CSMD3: variants seen among roughly 807,000 people sequenced by gnomAD.
CSMD3 encodes the protein CUB and sushi domain-containing protein 3.
A neutral mutation model predicts 435.2 loss-of-function variants in CSMD3; 177 were observed. That is an observed-to-expected ratio of 0.41 (90% CI 0.36 to 0.46). The LOEUF (loss-of-function observed/expected upper bound fraction) is 0.46. CSMD3 is among the 20% of genes least tolerant of loss of function. CSMD3 has a pLI of 0.34. For synonymous variants in CSMD3, 1,656 were observed against 1,520.5 expected (o/e 1.09, Z -2.07); for missense variants, 4,265 against 4,504.6 (o/e 0.95, Z 1.52).
chr8:113,314,750 G>T lies in CSMD3; in HGVS notation c.222C>A (p.Gly74=). The T allele has an allele frequency of 6.2e-7, 1 of 1,612,692 alleles. No homozygotes were observed. ...ATGGAAAACCAGGGCTTTCTATAGT[G>T]CCATTAAGTCCTTTTAAAGTTCCAC... The part of the protein sequence containing the change: ...TCGGTLKGLN[G]TIESPGFPYG... Residue 74 remains glycine, a synonymous_variant, in exon 2 of 71, where the codon GGC becomes GGA. Coordinates refer to ENST00000297405, the MANE Select transcript of CSMD3 (RefSeq NM_198123.2).
intron 3 of CSMD3, among the ~76,000 whole-genome samples, chr8:113,192,401 C>T (rs913122409): frequency 2.0e-5 from 3 of 151,422 alleles, no homozygotes; most frequent in Non-Finnish European, 3.0e-5. Context: ...AATTTTCTTT[C>T]GATATGGAAT....
intron 11 of CSMD3, among the ~76,000 whole-genome samples, chr8:112,832,543 A>G (rs1230693441): frequency 6.6e-6 from 1 of 152,148 alleles, no homozygotes; most frequent in Non-Finnish European, 1.5e-5. Flanking sequence ...TGAAGATACA[A>G]ACTGCCATGC....
At chr8:113,171,208 C>T (rs1295089304) in intron 4 of CSMD3, among the ~76,000 whole-genome samples, 1 of 151,902 alleles carries the variant, frequency 6.6e-6, no homozygotes. Context: ...TTTATGAATG[C>T]TATTACATTA....
intron 1 of CSMD3, among the ~76,000 whole-genome samples, chr8:113,418,204 T>C (rs1159284510): frequency 2.6e-5 from 4 of 152,158 alleles, no homozygotes; most frequent in African/African-American, 9.6e-5. Flanking sequence ...TCAAGAATTA[T>C]AATTCATATA....
At chr8:112,813,943 C>A (rs1265304933) in intron 12 of CSMD3, among the ~76,000 whole-genome samples, 2 of 152,188 alleles carry the variant, frequency 1.3e-5, no homozygotes, top group South Asian at 2.1e-4. Context: ...GCAAATGTCC[C>A]AAGGCTTCGC....
chr8:112,575,282 A>G (rs531387991), intron 23 of CSMD3, among the ~76,000 whole-genome samples: 2 of 152,136 alleles, frequency 1.3e-5, no homozygotes, highest in South Asian at 4.1e-4. Flanking sequence ...TGCACGCTCC[A>G]TTTGTAATTG....
At chr8:112,338,010 G>A (rs899514615) in intron 42 of CSMD3, among the ~76,000 whole-genome samples, 4 of 152,192 alleles carry the variant, frequency 2.6e-5, no homozygotes, top group Non-Finnish European at 5.9e-5. Context: ...TAATGAAAAT[G>A]TAAACTCTTC....
intron 10 of CSMD3, among the ~76,000 whole-genome samples, chr8:112,869,884 G>C (rs2081083064): frequency 6.6e-6 from 1 of 152,074 alleles, no homozygotes. Context: ...GCCTGTTGGG[G>C]TGGGGGACAA....
chr8:112,628,417 GGTTGGTTTA>G (rs1427514997), intron 22 of CSMD3, among the ~76,000 whole-genome samples: 2 of 151,350 alleles, frequency 1.3e-5, no homozygotes, highest in African/African-American at 2.4e-5. Context: ...TTGGTTGGTT[GGTTGGTTTA>G]CTTATTAGAC....
chr8:112,669,130 T>C (rs983329236), intron 16 of CSMD3, among the ~76,000 whole-genome samples: 1 of 152,000 alleles, frequency 6.6e-6, no homozygotes, highest in African/African-American at 2.4e-5. Context: ...CCTCCTGGGT[T>C]CAAACGATTC....
At chr8:113,092,758 C>A (rs2090045852) in intron 5 of CSMD3, among the ~76,000 whole-genome samples, 1 of 151,942 alleles carries the variant, frequency 6.6e-6, no homozygotes, top group African/African-American at 2.4e-5. Context: ...ATAAATGGAT[C>A]CTGAGTGTTT....
chr8:113,204,670 G>A (rs773411065), intron 3 of CSMD3, among the ~76,000 whole-genome samples: 1 of 151,878 alleles, frequency 6.6e-6, no homozygotes, highest in African/African-American at 2.4e-5. Flanking sequence ...CCCTCTACAG[G>A]TGTCCTATTT....
intron 10 of CSMD3, among the ~76,000 whole-genome samples, chr8:112,916,724 GGAAGCC>G (rs1320396266): frequency 1.3e-5 from 2 of 151,846 alleles, no homozygotes; most frequent in Non-Finnish European, 2.9e-5. Flanking sequence ...TTGCATAACA[GGAAGCC>G]TACTAGAGCA....
chr8:113,313,204 T>C (rs1387193599), intron 2 of CSMD3: 1 of 152,220 alleles, frequency 6.6e-6, no homozygotes, highest in Non-Finnish European at 1.5e-5. Flanking sequence ...CTCAAAAAGC[T>C]GGTGAGCAAC....
At chr8:112,692,456 C>T (rs16883956) in intron 13 of CSMD3, among the ~76,000 whole-genome samples, 2,649 of 152,090 alleles carry the variant, frequency 0.017, 74 homozygotes, top group African/African-American at 0.061. Context: ...ATATGTATAT[C>T]GAGGTCTTGC....
chr8:112,530,731 G>A (rs1586611951), intron 27 of CSMD3, among the ~76,000 whole-genome samples: 2 of 152,304 alleles, frequency 1.3e-5, no homozygotes, highest in East Asian at 3.9e-4. Flanking sequence ...TGCATTAGAA[G>A]TCCGTGTTGA....
intron 32 of CSMD3, among the ~76,000 whole-genome samples, chr8:112,447,386 C>A (rs1447076942): frequency 6.6e-6 from 1 of 152,072 alleles, no homozygotes; most frequent in Non-Finnish European, 1.5e-5. Flanking sequence ...TGACCACATC[C>A]CTTGGTGTTT....
intron 13 of CSMD3, among the ~76,000 whole-genome samples, chr8:112,722,812 G>A (rs2076887055): frequency 1.3e-5 from 2 of 152,076 alleles, no homozygotes; most frequent in East Asian, 3.9e-4. Context: ...AAATAATAAT[G>A]GTAATTATGA....
chr8:112,423,546 C>A (rs1182473102), intron 32 of CSMD3, among the ~76,000 whole-genome samples: 1 of 152,084 alleles, frequency 6.6e-6, no homozygotes, highest in East Asian at 1.9e-4. Flanking sequence ...ACCTCCTGGG[C>A]TCAAGCAATC....
Sources: gnomAD v4.1 joint callset for allele counts (sites outside exome capture counted in the v4.1 genomes callset) on GRCh38, gnomAD v4.1.1 for gene constraint, MANE v1.5 for transcripts, NCBI Gene and HGNC (gene_info 2026-07-23, HGNC 2026-07-21) for gene names.